HPSE2: variants seen among roughly 807,000 people sequenced by gnomAD.
HPSE2 encodes the protein heparanase 2 (inactive).
HPSE2 carries 38 observed loss-of-function variants against 60.5 expected under a neutral mutation model. That is an observed-to-expected ratio of 0.63 (90% CI 0.48 to 0.82). HPSE2 has a LOEUF of 0.82. HPSE2 is among the 40% of genes least tolerant of loss of function. The probability of loss-of-function intolerance (pLI) is 0.00; values close to 1 mark genes in which losing one functional copy is unlikely to be tolerated. For synonymous variants in HPSE2, 295 were observed against 293.2 expected (o/e 1.01, Z -0.06); for missense variants, 713 against 740.4 (o/e 0.96, Z 0.43).
At chr10:99,250,648 A>C in the HPSE2 span, among the ~76,000 whole-genome samples, 1 of 152,184 alleles carries the variant, frequency 6.6e-6, no homozygotes, top group South Asian at 2.1e-4. Context: ...AAATCCTACC[A>C]ACCATACTCC....
upstream of HPSE2, among the ~76,000 whole-genome samples, chr10:99,237,350 A>G (rs1210492501): frequency 6.6e-6 from 1 of 152,180 alleles, no homozygotes; most frequent in Non-Finnish European, 1.5e-5. Context: ...AAGTGGATGG[A>G]CAAGGGTTAG....
chr10:98,600,000 G>A (rs964467744), intron 9 of HPSE2, among the ~76,000 whole-genome samples: 4 of 152,144 alleles, frequency 2.6e-5, no homozygotes, highest in African/African-American at 4.8e-5. Flanking sequence ...AATCTGAGCC[G>A]CTAACTAATA....
chr10:98,931,599 G>A (rs1185541431), intron 3 of HPSE2, among the ~76,000 whole-genome samples: 1 of 144,202 alleles, frequency 6.9e-6, no homozygotes, highest in Non-Finnish European at 1.5e-5. Flanking sequence ...CTATCCAGGA[G>A]CACGGAATGT....
At chr10:98,513,922 G>A (rs10786432) in intron 9 of HPSE2, among the ~76,000 whole-genome samples, 41,497 of 151,994 alleles carry the variant, frequency 0.27, 6,390 homozygotes, top group East Asian at 0.42. Flanking sequence ...CAAAAGACGT[G>A]AAAAGAGGAA....
At chr10:98,697,847 C>G (rs1385142197) in intron 5 of HPSE2, among the ~76,000 whole-genome samples, 1 of 151,948 alleles carries the variant, frequency 6.6e-6, no homozygotes, top group East Asian at 1.9e-4. Context: ...GAGTGGGGGC[C>G]AATATTCAAC....
intron 3 of HPSE2, among the ~76,000 whole-genome samples, chr10:98,819,992 T>A (rs1951386972): frequency 6.6e-6 from 1 of 152,166 alleles, no homozygotes; most frequent in African/African-American, 2.4e-5. Flanking sequence ...CTCTCATGAC[T>A]TCCATCCTCA....
chr10:99,312,001 C>T, the HPSE2 span, among the ~76,000 whole-genome samples: 1 of 152,166 alleles, frequency 6.6e-6, no homozygotes, highest in Admixed American at 6.5e-5. Context: ...TAAGCCAAAG[C>T]CTAATCCAGA....
At chr10:98,633,108 AG>A (rs1348141848) in intron 7 of HPSE2, among the ~76,000 whole-genome samples, 3 of 152,206 alleles carry the variant, frequency 2.0e-5, no homozygotes, top group African/African-American at 7.2e-5. Flanking sequence ...GAAGACAAAG[AG>A]GACAAAGACC....
chr10:99,110,331 G>A (rs557613953), intron 3 of HPSE2, among the ~76,000 whole-genome samples: 57 of 152,260 alleles, frequency 3.7e-4, no homozygotes, highest in African/African-American at 1.2e-3. Flanking sequence ...CAGAATAAAC[G>A]TAGAAACTGC....
intron 3 of HPSE2, among the ~76,000 whole-genome samples, chr10:98,951,383 T>C (rs1423129074): frequency 6.6e-6 from 1 of 152,184 alleles, no homozygotes. Context: ...GCATGTGTGA[T>C]ACGTGGAGCC....
intron 11 of HPSE2, among the ~76,000 whole-genome samples, chr10:98,462,023 C>T (rs1940313167): frequency 6.6e-6 from 1 of 152,150 alleles, no homozygotes; most frequent in South Asian, 2.1e-4. Flanking sequence ...ATGGCTTTGG[C>T]AAATCCCCTA....
chr10:98,788,382 T>C (rs1950576083), intron 3 of HPSE2, among the ~76,000 whole-genome samples: 1 of 79,562 alleles, frequency 1.3e-5, no homozygotes, highest in Non-Finnish European at 3.2e-5. Flanking sequence ...TCTGCAGAGG[T>C]TACTGCTGTC....
intron 3 of HPSE2, among the ~76,000 whole-genome samples, chr10:98,795,603 A>G (rs1175557992): frequency 2.0e-5 from 3 of 152,214 alleles, no homozygotes; most frequent in Non-Finnish European, 4.4e-5. Flanking sequence ...TCTAGGCCAC[A>G]GGGACTGCAA....
At chr10:98,602,072 T>C (rs564333375) in intron 9 of HPSE2, among the ~76,000 whole-genome samples, 1 of 152,272 alleles carries the variant, frequency 6.6e-6, no homozygotes, top group East Asian at 1.9e-4. Flanking sequence ...CAGGAGCTGA[T>C]AGTAAGTGCT....
intron 6 of HPSE2, among the ~76,000 whole-genome samples, chr10:98,656,297 G>A (rs517809): frequency 0.2 from 30,254 of 152,056 alleles, 3,348 homozygotes; most frequent in East Asian, 0.34. Flanking sequence ...GTGTTAGCCA[G>A]GATGGTCTCA....
At chr10:99,065,538 C>A (rs1842587903) in intron 3 of HPSE2, among the ~76,000 whole-genome samples, 1 of 152,064 alleles carries the variant, frequency 6.6e-6, no homozygotes, top group Admixed American at 6.5e-5. Flanking sequence ...TGAGTTGAAC[C>A]AAACTGATGG....
At chr10:98,693,860 C>T (rs1311953301) in intron 6 of HPSE2, 40 bp downstream of exon 6, 13 of 1,411,278 alleles carry the variant, frequency 9.2e-6, no homozygotes, top group Non-Finnish European at 1.3e-5. Context: ...CATTTCACAG[C>T]AGCTGATAAT....
chr10:98,725,064 C>G (rs1565113104), intron 4 of HPSE2, among the ~76,000 whole-genome samples: 1 of 152,112 alleles, frequency 6.6e-6, no homozygotes, highest in Non-Finnish European at 1.5e-5. Context: ...CCATATTGCC[C>G]AAGGTCATTT....
intron 2 of HPSE2, among the ~76,000 whole-genome samples, chr10:99,159,652 A>G (rs990116924): frequency 4.6e-5 from 7 of 152,214 alleles, no homozygotes; most frequent in Admixed American, 4.6e-4. Flanking sequence ...TATACAAAAG[A>G]AAAGCCTCAA....
Sources: gnomAD v4.1 joint callset for allele counts (sites outside exome capture counted in the v4.1 genomes callset) on GRCh38, gnomAD v4.1.1 for gene constraint, MANE v1.5 for transcripts, NCBI Gene and HGNC (gene_info 2026-07-23, HGNC 2026-07-21) for gene names.